Variants in GAP43 observed in about 807,000 individuals in gnomAD.
The protein encoded by GAP43 is neuromodulin.
GAP43 carries 6 observed loss-of-function variants against 18.6 expected under a neutral mutation model. The ratio of observed to expected loss-of-function variants is 0.32; its 90% CI spans 0.18 to 0.64. The LOEUF (loss-of-function observed/expected upper bound fraction) is 0.64. GAP43 is among the 30% of genes least tolerant of loss of function. GAP43 has a pLI of 0.78. For missense variants in GAP43, 292 were observed against 295.5 expected (o/e 0.99, Z 0.09); for synonymous variants, 115 against 111.4 (o/e 1.03, Z -0.20).
intron 1 of GAP43, among the ~76,000 whole-genome samples, chr3:115,623,991 C>T (rs1206789272): frequency 6.6e-6 from 1 of 151,592 alleles, no homozygotes; most frequent in Non-Finnish European, 1.5e-5. Context: ...AGTGAATGCT[C>T]AGCATTTGAG....
At chr3:115,677,347 A>G (rs1460449821) in intron 2 of GAP43, among the ~76,000 whole-genome samples, 5 of 152,232 alleles carry the variant, frequency 3.3e-5, no homozygotes, top group Non-Finnish European at 1.5e-5. Flanking sequence ...ACTTTCTACA[A>G]TATGCATAAA....
intron 2 of GAP43, among the ~76,000 whole-genome samples, chr3:115,676,838 T>C (rs1405771595): frequency 1.3e-5 from 2 of 152,216 alleles, no homozygotes; most frequent in African/African-American, 4.8e-5. Context: ...CAGGTCTATG[T>C]AGCAGCCAGT....
intron 1 of GAP43, among the ~76,000 whole-genome samples, chr3:115,672,203 G>C (rs902209768): frequency 6.6e-6 from 1 of 152,142 alleles, no homozygotes; most frequent in African/African-American, 2.4e-5. Flanking sequence ...TCCCTCACTC[G>C]CTGTATGAAT....
intron 2 of GAP43, among the ~76,000 whole-genome samples, chr3:115,708,939 G>T (rs1157061001): frequency 9.3e-6 from 1 of 107,816 alleles, no homozygotes; most frequent in Admixed American, 9.8e-5. Flanking sequence ...CAACTGGCTG[G>T]GTTTTTTTTT....
intron 2 of GAP43, among the ~76,000 whole-genome samples, chr3:115,705,943 G>C (rs1385317756): frequency 6.6e-6 from 1 of 152,118 alleles, no homozygotes; most frequent in Non-Finnish European, 1.5e-5. Context: ...TCCAAAAGAA[G>C]TATGACGTCT....
At chr3:115,672,130 T>C (rs1708821291) in intron 1 of GAP43, among the ~76,000 whole-genome samples, 1 of 152,114 alleles carries the variant, frequency 6.6e-6, no homozygotes, top group Non-Finnish European at 1.5e-5. Context: ...TGCAATAAAA[T>C]TGGACTTGGA....
chr3:115,627,520 T>C (rs1376405032), intron 1 of GAP43, among the ~76,000 whole-genome samples: 1 of 151,728 alleles, frequency 6.6e-6, no homozygotes, highest in Non-Finnish European at 1.5e-5. Flanking sequence ...TGGGGCTGAA[T>C]TAATCCACAG....
intron 1 of GAP43, among the ~76,000 whole-genome samples, chr3:115,672,564 CACAA>C (rs926982461): frequency 1.3e-5 from 2 of 152,166 alleles, no homozygotes; most frequent in Admixed American, 6.5e-5. Flanking sequence ...AAGAAAGACA[CACAA>C]ACAAAATCCA....
chr3:115,628,911 G>A (rs1412195351), intron 1 of GAP43, among the ~76,000 whole-genome samples: 1 of 152,130 alleles, frequency 6.6e-6, no homozygotes, highest in Non-Finnish European at 1.5e-5. Context: ...AGTTATCTTG[G>A]TCTAAGTGCT....
intron 2 of GAP43, among the ~76,000 whole-genome samples, chr3:115,714,882 C>T (rs1466448439): frequency 6.6e-6 from 1 of 151,928 alleles, no homozygotes; most frequent in Non-Finnish European, 1.5e-5. Flanking sequence ...TGCACACACA[C>T]ACACACACAC....
chr3:115,689,653 A>T (rs1253315114), intron 2 of GAP43, among the ~76,000 whole-genome samples: 1 of 152,152 alleles, frequency 6.6e-6, no homozygotes, highest in African/African-American at 2.4e-5. Context: ...TGAGAAGGAA[A>T]ATTGGTCAGA....
chr3:115,720,776 T>C lies in GAP43; in HGVS notation c.629-18T>C. On this transcript the variant is annotated intron_variant, in intron 2 of 2. Transcript: ENST00000305124. ...ATTCTCTCCTTTTCCCCCCATCCTA[T>C]CTTGTTTTCTTTCTCAGAAGCTGTA... is the stretch of plus-strand genomic sequence containing the variant. 1 of 1,582,936 alleles carries C rather than the reference T, an allele frequency of 6.3e-7. No individual in the cohort carries two copies. Among genetic ancestry groups the C allele is most frequent in the South Asian group, 1.1e-5 (1 of 90,194 alleles).
intron 2 of GAP43, among the ~76,000 whole-genome samples, chr3:115,680,251 G>C (rs1358554997): frequency 1.3e-5 from 2 of 152,144 alleles, no homozygotes; most frequent in Non-Finnish European, 2.9e-5. Flanking sequence ...GAGTCCAGGA[G>C]TTTGAGACCA....
intron 2 of GAP43, among the ~76,000 whole-genome samples, chr3:115,679,853 G>C (rs528576060): frequency 2.1e-4 from 32 of 152,324 alleles, no homozygotes; most frequent in Admixed American, 1.6e-3. Context: ...AGTTGGAAGT[G>C]TAGCTCTGAG....
At chr3:115,652,669 A>G (rs1708536957) in intron 1 of GAP43, among the ~76,000 whole-genome samples, 1 of 152,136 alleles carries the variant, frequency 6.6e-6, no homozygotes, top group African/African-American at 2.4e-5. Flanking sequence ...TACAGGCATG[A>G]GCCTCTGCAC....
At chr3:115,707,229 G>T (rs1310263759) in intron 2 of GAP43, among the ~76,000 whole-genome samples, 5 of 152,072 alleles carry the variant, frequency 3.3e-5, no homozygotes, top group Non-Finnish European at 7.4e-5. Context: ...GAAAAATTAG[G>T]CAGTGAGAGG....
intron 1 of GAP43, among the ~76,000 whole-genome samples, chr3:115,627,756 GCTGTTGC>G (rs1380442288): frequency 6.6e-6 from 1 of 152,160 alleles, no homozygotes. Context: ...CCAAGCAGTG[GCTGTTGC>G]AAACCAAAGA....
intron 1 of GAP43, among the ~76,000 whole-genome samples, chr3:115,653,190 A>G (rs1349270440): frequency 6.6e-6 from 1 of 152,192 alleles, no homozygotes; most frequent in Non-Finnish European, 1.5e-5. Context: ...CTGTAATCCC[A>G]GCACTTTGGG....
chr3:115,667,035 G>C (rs1708741896), intron 1 of GAP43, among the ~76,000 whole-genome samples: 1 of 152,136 alleles, frequency 6.6e-6, no homozygotes, highest in Admixed American at 6.5e-5. Context: ...AGAACACCCA[G>C]CCAGTGAGCT....
Sources: allele counts gnomAD v4.1 joint callset (sites outside exome capture counted in the v4.1 genomes callset), GRCh38; gene constraint gnomAD v4.1.1; transcripts MANE v1.5; gene names NCBI Gene and HGNC (gene_info 2026-07-23, HGNC 2026-07-21).